PRELID2: variants seen among roughly 807,000 people sequenced by gnomAD.
PRELID2 encodes PRELI domain containing 2, also known as PRELI domain-containing protein 2.
PRELID2 carries 25 observed loss-of-function variants against 28.4 expected under a neutral mutation model. The observed-to-expected ratio is 0.88, with a 90% CI of 0.64 to 1.23. The LOEUF (loss-of-function observed/expected upper bound fraction) is 1.23, where lower values mean the gene tolerates loss of function less well. PRELID2 is among the 50% of genes most tolerant of loss of function. The probability of loss-of-function intolerance (pLI) is 0.00; values close to 1 mark genes in which losing one functional copy is unlikely to be tolerated. For missense variants in PRELID2, 201 were observed against 214.4 expected, an observed-to-expected ratio of 0.94 and a Z score of 0.39; for synonymous variants, 76 against 71.6, an observed-to-expected ratio of 1.06 and a Z score of -0.31.
At chr5:145,313,964 GC>G in the PRELID2 span, among the ~76,000 whole-genome samples, 3 of 152,132 alleles carry the variant, frequency 2.0e-5, no homozygotes, top group African/African-American at 7.2e-5. Context: ...TGTTCTGATG[GC>G]CGTTTCAAAG....
chr5:145,764,868 CA>C, intron 6 of PRELID2, 62 bp downstream of exon 6: 3 of 1,219,982 alleles, frequency 2.5e-6, no homozygotes, highest in Non-Finnish European at 3.6e-6. Flanking sequence ...TGTAGAATAC[CA>C]GGCTGATAAG....
At chr5:145,782,679 A>G (rs1751714423) in intron 5 of PRELID2, among the ~76,000 whole-genome samples, 1 of 152,248 alleles carries the variant, frequency 6.6e-6, no homozygotes, top group Admixed American at 6.5e-5. Context: ...AGCATTTTAT[A>G]AAATTATGTT....
chr5:145,270,038 C>T, the PRELID2 span, among the ~76,000 whole-genome samples: 1 of 151,466 alleles, frequency 6.6e-6, no homozygotes, highest in South Asian at 2.1e-4. Flanking sequence ...CAATAAGATA[C>T]AATTGCACAC....
At chr5:145,342,810 A>C in the PRELID2 span, among the ~76,000 whole-genome samples, 1 of 151,634 alleles carries the variant, frequency 6.6e-6, no homozygotes, top group African/African-American at 2.4e-5. Flanking sequence ...AAAGTAAAGA[A>C]ATAGAAAAAG....
intron 4 of PRELID2, among the ~76,000 whole-genome samples, chr5:145,806,343 A>G (rs564926693): frequency 2.0e-5 from 3 of 152,152 alleles, no homozygotes; most frequent in Non-Finnish European, 4.4e-5. Context: ...TTAAAAACAC[A>G]AAAACACACA....
intron 1 of PRELID2, among the ~76,000 whole-genome samples, chr5:145,479,985 T>C (rs1752142051): frequency 6.6e-6 from 1 of 152,196 alleles, no homozygotes; most frequent in South Asian, 2.1e-4. Flanking sequence ...TATCACAACA[T>C]TTAAAACACT....
chr5:145,250,962 C>T, the PRELID2 span, among the ~76,000 whole-genome samples: 1 of 152,096 alleles, frequency 6.6e-6, no homozygotes, highest in Non-Finnish European at 1.5e-5. Context: ...CAATGACACA[C>T]AGTGCCTTTG....
intron 4 of PRELID2, among the ~76,000 whole-genome samples, chr5:145,801,562 A>G (rs958885609): frequency 6.6e-6 from 1 of 152,192 alleles, no homozygotes; most frequent in African/African-American, 2.4e-5. Flanking sequence ...TGTACATTCT[A>G]TATCAGACAT....
At chr5:145,720,718 A>C (rs1353401607) in intron 1 of PRELID2, among the ~76,000 whole-genome samples, 1 of 152,072 alleles carries the variant, frequency 6.6e-6, no homozygotes, top group African/African-American at 2.4e-5. Context: ...AGACTAAAAC[A>C]GAAATAGAGA....
chr5:145,478,518 T>G (rs753434469), intron 1 of PRELID2, among the ~76,000 whole-genome samples: 7 of 151,574 alleles, frequency 4.6e-5, no homozygotes, highest in Non-Finnish European at 1.0e-4. Flanking sequence ...GCCATTACTC[T>G]CCAGCCTGGG....
the PRELID2 span, among the ~76,000 whole-genome samples, chr5:145,328,158 C>G: frequency 5.3e-3 from 803 of 152,180 alleles, 6 homozygotes; most frequent in African/African-American, 0.019. Context: ...TATATATGTG[C>G]CATATTTTCT....
Position 145,820,022 on chromosome 5 carries a change from AAAAAG to A in PRELID2, c.134-9_134-5del. 1.3e-6 allele frequency: 2 copies of A among 1,563,748 alleles called. No homozygotes were observed. Among genetic ancestry groups the A allele is most frequent in the Non-Finnish European group, 1.7e-6 (2 of 1,148,926 alleles). The stretch of plus-strand genomic sequence containing the variant: ...TAGATGACCCCTGTTGATTCATCTA[AAAAAG>A]AAATTTTTTTACACAAAAAAAAATT... On this transcript the variant is annotated splice_polypyrimidine_tract_variant and splice_region_variant and intron_variant, in intron 2 of 6. Coordinates refer to ENST00000683046, the MANE Select transcript of PRELID2 (RefSeq NM_205846.3).
At chr5:145,250,534 T>C in the PRELID2 span, among the ~76,000 whole-genome samples, 3 of 152,042 alleles carry the variant, frequency 2.0e-5, no homozygotes, top group Non-Finnish European at 4.4e-5. Flanking sequence ...AGAATATTGA[T>C]GAAAAAGAAC....
At chr5:145,685,191 A>T (rs1035942206) in intron 1 of PRELID2, among the ~76,000 whole-genome samples, 5 of 152,154 alleles carry the variant, frequency 3.3e-5, no homozygotes, top group African/African-American at 1.2e-4. Context: ...TTACTCTGAA[A>T]TATAAATCTA....
At chr5:145,238,424 G>A in the PRELID2 span, among the ~76,000 whole-genome samples, 2 of 152,012 alleles carry the variant, frequency 1.3e-5, no homozygotes, top group African/African-American at 4.8e-5. Flanking sequence ...ATTTCAGGAC[G>A]TTCTATGACT....
intron 5 of PRELID2, among the ~76,000 whole-genome samples, chr5:145,778,293 G>C (rs1323178681): frequency 6.6e-6 from 1 of 152,100 alleles, no homozygotes; most frequent in East Asian, 1.9e-4. Flanking sequence ...CCTCCTCTCT[G>C]CTGAGAGATA....
At chr5:145,659,482 T>A (rs1754452507) in intron 1 of PRELID2, among the ~76,000 whole-genome samples, 1 of 152,238 alleles carries the variant, frequency 6.6e-6, no homozygotes, top group South Asian at 2.1e-4. Flanking sequence ...AAGTTGATTA[T>A]CAAAAGCAGA....
chr5:145,772,689 T>G (rs1385505625), intron 5 of PRELID2, among the ~76,000 whole-genome samples: 1 of 152,198 alleles, frequency 6.6e-6, no homozygotes, highest in East Asian at 1.9e-4. Flanking sequence ...CCAACACTGT[T>G]GCACCAAGGA....
At chr5:145,733,042 T>C (rs1404250024) in intron 1 of PRELID2, among the ~76,000 whole-genome samples, 1 of 150,378 alleles carries the variant, frequency 6.6e-6, no homozygotes, top group Non-Finnish European at 1.5e-5. Context: ...GCCCAGGAGT[T>C]TGAGATCAGC....
Sources: allele counts gnomAD v4.1 joint callset (sites outside exome capture counted in the v4.1 genomes callset), GRCh38; gene constraint gnomAD v4.1.1; transcripts MANE v1.5; gene names NCBI Gene and HGNC (gene_info 2026-07-23, HGNC 2026-07-21).